The following IQCM variants were observed in gnomAD, a reference collection of about 807,000 sequenced individuals.
The protein encoded by IQCM is IQ domain-containing protein M.
In IQCM, 45 loss-of-function variants were observed where a neutral mutation model predicts 57.6. The observed-to-expected ratio is 0.78, with a 90% CI of 0.62 to 1.00. IQCM has a LOEUF of 1.00. Ranked by LOEUF, IQCM falls within the 50% of genes least tolerant of loss-of-function variation. IQCM has a pLI of 0.00. For missense variants in IQCM, 468 were observed against 511.6 expected (o/e 0.91, Z 0.82); for synonymous variants, 148 against 158.9 (o/e 0.93, Z 0.51).
intron 9 of IQCM, among the ~76,000 whole-genome samples, chr4:149,574,216 T>C (rs570284181): frequency 1.3e-5 from 2 of 152,114 alleles, no homozygotes; most frequent in South Asian, 2.1e-4. Context: ...AATTATTCTT[T>C]GCTTACCCTC....
At chr4:149,651,493 A>G (rs552775046) in intron 7 of IQCM, among the ~76,000 whole-genome samples, 1 of 152,192 alleles carries the variant, frequency 6.6e-6, no homozygotes, top group Non-Finnish European at 1.5e-5. Context: ...TTTCCCATTC[A>G]CCTGGAACAC....
chr4:149,508,294 T>C (rs1744040668), intron 12 of IQCM, among the ~76,000 whole-genome samples: 1 of 151,508 alleles, frequency 6.6e-6, no homozygotes, highest in African/African-American at 2.4e-5. Context: ...GACTCCAGAA[T>C]GGTAGATCAA....
At chr4:149,704,741 A>C (rs1764027976) in intron 5 of IQCM, among the ~76,000 whole-genome samples, 1 of 151,922 alleles carries the variant, frequency 6.6e-6, no homozygotes, top group Non-Finnish European at 1.5e-5. Context: ...ATAGCTAGAA[A>C]ACATTATTAC....
chr4:149,582,360 A>G (rs1440371892), intron 9 of IQCM, among the ~76,000 whole-genome samples: 1 of 101,504 alleles, frequency 9.9e-6, no homozygotes, highest in Non-Finnish European at 1.9e-5. Context: ...ATATATATAT[A>G]TATATATATT....
chr4:149,606,065 C>T (rs1401386343), intron 8 of IQCM, among the ~76,000 whole-genome samples: 2 of 152,180 alleles, frequency 1.3e-5, no homozygotes, highest in African/African-American at 4.8e-5. Context: ...ACTAAAATGG[C>T]ATTGAGCCTT....
chr4:149,751,329 TA>T (rs1202466033), intron 2 of IQCM, among the ~76,000 whole-genome samples: 1 of 152,176 alleles, frequency 6.6e-6, no homozygotes, highest in Non-Finnish European at 1.5e-5. Flanking sequence ...TGAACTCTCT[TA>T]TTCTACTTTG....
intron 12 of IQCM, among the ~76,000 whole-genome samples, chr4:149,531,472 CCTCT>C (rs1460565032): frequency 6.6e-6 from 1 of 152,014 alleles, no homozygotes; most frequent in Admixed American, 6.6e-5. Flanking sequence ...CTCCTTATTC[CCTCT>C]CTTTTTCCAA....
At chr4:149,573,036 A>G (rs1399946552) in intron 9 of IQCM, among the ~76,000 whole-genome samples, 1 of 151,894 alleles carries the variant, frequency 6.6e-6, no homozygotes, top group Non-Finnish European at 1.5e-5. Flanking sequence ...CAGTTTCATT[A>G]TAATAGAAAA....
intron 13 of IQCM, among the ~76,000 whole-genome samples, chr4:149,368,584 T>G (rs995666536): frequency 6.6e-6 from 1 of 151,398 alleles, no homozygotes. Flanking sequence ...GGGCTGTTTC[T>G]AAGCAAGGAC....
At chr4:149,743,031 A>T (rs986049711) in intron 2 of IQCM, among the ~76,000 whole-genome samples, 32 of 152,190 alleles carry the variant, frequency 2.1e-4, no homozygotes, top group Non-Finnish European at 4.6e-4. Context: ...GAGCTTAGAG[A>T]AGTAAAATAG....
intron 12 of IQCM, among the ~76,000 whole-genome samples, chr4:149,544,947 A>G (rs1433193566): frequency 6.6e-6 from 1 of 152,206 alleles, no homozygotes; most frequent in Non-Finnish European, 1.5e-5. Flanking sequence ...AACTTCTAGA[A>G]GAAAACAGGG....
intron 3 of IQCM, among the ~76,000 whole-genome samples, chr4:149,736,946 C>T (rs1766995368): frequency 6.6e-6 from 1 of 152,110 alleles, no homozygotes; most frequent in Non-Finnish European, 1.5e-5. Flanking sequence ...AGATATGTAA[C>T]AACAGAAGAG....
At chr4:149,812,505 C>CACACAG (rs1554045607) in intron 2 of IQCM, among the ~76,000 whole-genome samples, 1,378 of 114,046 alleles carry the variant, frequency 0.012, 16 homozygotes, top group African/African-American at 0.051. Flanking sequence ...CACACACAGA[C>CACACAG]ACACACACAC....
At chr4:149,375,868 C>T (rs187286543) in intron 13 of IQCM, among the ~76,000 whole-genome samples, 1 of 152,226 alleles carries the variant, frequency 6.6e-6, no homozygotes, top group African/African-American at 2.4e-5. Context: ...TCAATTTTCA[C>T]TGATAAGGCC....
intron 12 of IQCM, among the ~76,000 whole-genome samples, chr4:149,528,591 T>G (rs1173120239): frequency 6.6e-6 from 1 of 152,092 alleles, no homozygotes; most frequent in East Asian, 1.9e-4. Flanking sequence ...ATCAAATGTT[T>G]GAAGTAGGAG....
intron 2 of IQCM, among the ~76,000 whole-genome samples, chr4:149,773,276 C>A (rs1008913496): frequency 6.6e-5 from 10 of 151,118 alleles, no homozygotes; most frequent in Non-Finnish European, 1.2e-4. Flanking sequence ...GGCGTGAACC[C>A]GGGAGGCAGA....
intron 12 of IQCM, among the ~76,000 whole-genome samples, chr4:149,481,696 G>GTTTTGTTTTTTTTTTTTGTTTTT (rs1553975358): frequency 3.0e-5 from 1 of 33,602 alleles, no homozygotes; most frequent in African/African-American, 1.2e-4. Context: ...GATTCTTCCA[G>GTTTTGTTTTTTTTTTTTGTTTTT]TTTTGTTTTT....
At chr4:149,689,459 G>T (rs1762788717) in intron 5 of IQCM, among the ~76,000 whole-genome samples, 1 of 151,958 alleles carries the variant, frequency 6.6e-6, no homozygotes, top group African/African-American at 2.4e-5. Context: ...CGGGTTGACA[G>T]GTGCAGCAAA....
At chr4:149,384,362 C>A (rs1731271649) in intron 13 of IQCM, among the ~76,000 whole-genome samples, 1 of 152,118 alleles carries the variant, frequency 6.6e-6, no homozygotes, top group South Asian at 2.1e-4. Flanking sequence ...CACTTTCTAA[C>A]TAAAAATAGG....
Sources: gnomAD v4.1 joint callset for allele counts (sites outside exome capture counted in the v4.1 genomes callset) on GRCh38, gnomAD v4.1.1 for gene constraint, MANE v1.5 for transcripts, NCBI Gene and HGNC (gene_info 2026-07-23, HGNC 2026-07-21) for gene names.